The following EIF3E variants were observed in gnomAD, a reference collection of about 807,000 sequenced individuals.
EIF3E encodes the protein eIF-3 p48.
In EIF3E, 25 loss-of-function variants were observed where a neutral mutation model predicts 59.3. That is an observed-to-expected ratio of 0.42 (90% CI 0.31 to 0.59). The LOEUF is 0.59. EIF3E is among the 20% of genes least tolerant of loss of function. EIF3E has a pLI of 0.15. For missense variants in EIF3E, 317 were observed against 534.3 expected, an observed-to-expected ratio of 0.59 and a Z score of 4.01; for synonymous variants, 176 against 170.2, an observed-to-expected ratio of 1.03 and a Z score of -0.26.
chr8:108,221,807 C>CACAA (rs1491280351), intron 7 of EIF3E, among the ~76,000 whole-genome samples: 3 of 150,466 alleles, frequency 2.0e-5, no homozygotes, highest in African/African-American at 7.3e-5. Context: ...CACACACACG[C>CACAA]ACACACACAC....
At chr8:108,235,259 T>C (rs1357913814) in intron 4 of EIF3E, among the ~76,000 whole-genome samples, 157 bp from the exon 5 acceptor site, 2 of 152,222 alleles carry the variant, frequency 1.3e-5, no homozygotes, top group Non-Finnish European at 2.9e-5. Flanking sequence ...ATGGTATTTA[T>C]TTTTGGTGGC....
chr8:108,222,323 G>C (rs900075281), intron 7 of EIF3E, among the ~76,000 whole-genome samples: 1 of 152,172 alleles, frequency 6.6e-6, no homozygotes, highest in African/African-American at 2.4e-5. Context: ...GGGATTACAG[G>C]GAGGAGCTAC....
In EIF3E at chr8:108,216,451, G is replaced by A. The variant is rs1222979552; in HGVS notation, c.912C>T (p.Asp304=). 3.1e-6 allele frequency: 5 copies of A among 1,610,468 alleles called. No homozygotes were observed. Among genetic ancestry groups the A allele is most frequent in the Non-Finnish European group, 4.2e-6 (5 of 1,178,840 alleles). ...TCAGCTTTTTCTGAGCCCCATCAAA[G>A]TCAAAGTTAACATATAAACATTCAA... ...EFVECLYVNF[D]FDGAQKKLRE... is the part of the protein sequence containing the mutation. The change falls in exon 9 of 13, where the codon GAC becomes GAT. Residue 304 remains aspartate (D), a synonymous_variant. Coordinates refer to ENST00000220849, the MANE Select transcript of EIF3E (RefSeq NM_001568.3).
intron 10 of EIF3E, among the ~76,000 whole-genome samples, chr8:108,207,635 C>T (rs2129846053): frequency 6.6e-6 from 1 of 152,296 alleles, no homozygotes; most frequent in Admixed American, 6.5e-5. Context: ...AAAATCTCAA[C>T]CTTGTCTGTA....
At chr8:108,246,715 A>ACC (rs1465477613) in intron 1 of EIF3E, among the ~76,000 whole-genome samples, 2 of 151,790 alleles carry the variant, frequency 1.3e-5, no homozygotes, top group Non-Finnish European at 2.9e-5. Context: ...AGCAAGACCA[A>ACC]CCCCTCCTTT....
At chr8:108,221,021 G>A (rs2129876756) in intron 7 of EIF3E, among the ~76,000 whole-genome samples, 1 of 145,824 alleles carries the variant, frequency 6.9e-6, no homozygotes, top group South Asian at 2.1e-4. Flanking sequence ...GCGACAGAGC[G>A]AGACATGGAC....
At chr8:108,235,370 C>T (rs770623368) in intron 4 of EIF3E, among the ~76,000 whole-genome samples, 2 of 152,150 alleles carry the variant, frequency 1.3e-5, no homozygotes, top group African/African-American at 2.4e-5. Context: ...TGAACTGTTC[C>T]ACCTCAGATC....
intron 5 of EIF3E, among the ~76,000 whole-genome samples, chr8:108,231,190 TTTAA>T (rs2129901693): frequency 6.6e-6 from 1 of 152,282 alleles, no homozygotes; most frequent in South Asian, 2.1e-4. Context: ...GGATAAAATG[TTTAA>T]TTCTTATAAA....
At chr8:108,203,313 A>T in intron 11 of EIF3E, 88 bp downstream of exon 11, 1 of 1,327,392 alleles carries the variant, frequency 7.5e-7, no homozygotes, top group Non-Finnish European at 1.1e-6. Context: ...ATAAATTATT[A>T]AAGGAGGTAA....
intron 10 of EIF3E, among the ~76,000 whole-genome samples, chr8:108,204,744 T>TAGAGAGAG (rs753379060): frequency 7.8e-5 from 8 of 102,700 alleles, no homozygotes; most frequent in Non-Finnish European, 1.2e-4. Flanking sequence ...TATATATATA[T>TAGAGAGAG]ATAGAGAGAG....
At chr8:108,216,329 T>C (rs1261773139) in intron 9 of EIF3E, 83 bp downstream of exon 9, 25 of 1,015,254 alleles carry the variant, frequency 2.5e-5, no homozygotes, top group Non-Finnish European at 3.6e-5. Flanking sequence ...TTCATTACTT[T>C]AAGGAAGACA....
intron 5 of EIF3E, among the ~76,000 whole-genome samples, chr8:108,230,937 TTACA>T (rs1400524164): frequency 6.6e-6 from 1 of 152,062 alleles, no homozygotes; most frequent in African/African-American, 2.4e-5. Flanking sequence ...ATCATTCCAC[TTACA>T]TACATAAAAT....
intron 10 of EIF3E, among the ~76,000 whole-genome samples, chr8:108,208,593 T>C (rs368387689): frequency 4.6e-5 from 7 of 152,004 alleles, no homozygotes; most frequent in Admixed American, 1.3e-4. Context: ...AAACTGTTTG[T>C]CTCCATACAT....
intron 10 of EIF3E, among the ~76,000 whole-genome samples, chr8:108,213,158 T>C (rs1007083604): frequency 5.9e-5 from 9 of 152,204 alleles, no homozygotes; most frequent in Admixed American, 3.3e-4. Flanking sequence ...ACTTAATCTA[T>C]GTTCCTCTTA....
chr8:108,228,084 T>C lies in EIF3E; in HGVS notation c.722+183A>G. 9.0e-6 allele frequency: 5 copies of C among 556,742 alleles called. No individual in the cohort carries two copies. In the South Asian group the frequency reaches 1.7e-4, roughly 19 times the overall value. 34.5% of individuals were successfully genotyped at this position (556,742 alleles called of 1,614,324 possible). ...ACTTTAAAAGGCTTAGGGTACACTC[T>C]GTCAAATAGTTTACTTAAGAGTCAC... On this transcript the variant is annotated intron_variant, in intron 7 of 12. Coordinates refer to ENST00000220849, the MANE Select transcript of EIF3E (RefSeq NM_001568.3).
chr8:108,241,734 A>G (rs565372084), intron 2 of EIF3E, 65 bp downstream of exon 2: 3 of 979,466 alleles, frequency 3.1e-6, no homozygotes, highest in South Asian at 2.0e-5. Flanking sequence ...CTTATAAATC[A>G]TAAAACTTTA....
intron 10 of EIF3E, among the ~76,000 whole-genome samples, chr8:108,204,760 G>T (rs1467050519): frequency 0.013 from 1,718 of 129,322 alleles, 13 homozygotes; most frequent in African/African-American, 0.033. Context: ...GAGAGAGAGA[G>T]AGAGAGAGAG....
At chr8:108,229,217 A>AT (rs1815576532) in intron 5 of EIF3E, 22 bp from the exon 6 acceptor site, 6 of 1,609,566 alleles carry the variant, frequency 3.7e-6, no homozygotes, top group African/African-American at 2.7e-5. Context: ...ATCATAATTA[A>AT]TTATATTGTG....
rs1815269069 is a variant in EIF3E, at chr8:108,214,618, A to G, written c.1050T>C (p.Cys350=). The G allele has an allele frequency of 1.2e-6, 2 of 1,605,262 alleles. No individual in the cohort carries two copies. Among genetic ancestry groups the G allele is most frequent in the Non-Finnish European group, 1.7e-6 (2 of 1,177,884 alleles). ...CACGGTGTTCTTACTTAATGCTGAT[A>G]CACTGGTGGATGCGACAGAAAGTCT... ...IFETFCRIHQ[C]ISINMLADKL... Residue 350 remains cysteine, a synonymous_variant, in exon 10 of 13, where the codon TGT becomes TGC. Transcript: ENST00000220849.
Sources: allele counts gnomAD v4.1 joint callset (sites outside exome capture counted in the v4.1 genomes callset), GRCh38; gene constraint gnomAD v4.1.1; transcripts MANE v1.5; gene names NCBI Gene and HGNC (gene_info 2026-07-23, HGNC 2026-07-21).